Variants in EML1 observed in about 807,000 individuals in gnomAD.
The protein encoded by EML1 is EMAP like 1, also known as echinoderm microtubule-associated protein-like 1.
EML1 carries 27 observed loss-of-function variants against 110.4 expected under a neutral mutation model. The ratio of observed to expected loss-of-function variants is 0.24; its 90% CI spans 0.18 to 0.34. The LOEUF is 0.34. Among genes scored for constraint, EML1 ranks in the 10% least tolerant of loss-of-function variants. The probability of loss-of-function intolerance (pLI) is 1.00; values close to 1 mark genes in which losing one functional copy is unlikely to be tolerated. For missense variants in EML1, 741 were observed against 1,030.9 expected (o/e 0.72, Z 3.85); for synonymous variants, 344 against 385.8 (o/e 0.89, Z 1.27).
chr14:99,739,890 C>T (rs1346416370), intron 1 of EML1, among the ~76,000 whole-genome samples: 2 of 152,128 alleles, frequency 1.3e-5, no homozygotes, highest in East Asian at 1.9e-4. Flanking sequence ...GCAGTGGGAA[C>T]ATTCTCAGCT....
chr14:99,862,861 G>A (rs1398611216), intron 2 of EML1, among the ~76,000 whole-genome samples: 2 of 152,274 alleles, frequency 1.3e-5, no homozygotes, highest in African/African-American at 2.4e-5. Flanking sequence ...ACCAAGGTTT[G>A]GGCATTAGGT....
intron 8 of EML1, among the ~76,000 whole-genome samples, 176 bp downstream of exon 8, chr14:99,898,478 G>T (rs1595452062): frequency 2.0e-5 from 3 of 152,212 alleles, no homozygotes; most frequent in South Asian, 2.1e-4. Flanking sequence ...GTGGCAGGGT[G>T]CGGTGGCTCA....
intron 7 of EML1, 80 bp from the exon 8 acceptor site, chr14:99,898,153 T>A (rs1307690128): frequency 8.3e-7 from 1 of 1,207,618 alleles, no homozygotes; most frequent in Admixed American, 3.0e-5. Flanking sequence ...ATTTAAATTT[T>A]TGACTAGATT....
chr14:99,783,399 C>T (rs2057563877), intron 1 of EML1, among the ~76,000 whole-genome samples: 2 of 151,716 alleles, frequency 1.3e-5, no homozygotes, highest in Non-Finnish European at 2.9e-5. Flanking sequence ...CATTGATGGA[C>T]ATTTGGGTTG....
intron 3 of EML1, among the ~76,000 whole-genome samples, chr14:99,878,040 T>C (rs552902574): frequency 2.0e-5 from 3 of 152,130 alleles, no homozygotes; most frequent in Admixed American, 1.3e-4. Context: ...CTTAATACTC[T>C]ATTTTCTTTG....
intron 1 of EML1, among the ~76,000 whole-genome samples, chr14:99,756,116 G>A (rs1031683525): frequency 3.9e-5 from 6 of 152,232 alleles, no homozygotes; most frequent in Non-Finnish European, 8.8e-5. Flanking sequence ...AGTTGTGCTG[G>A]GTGGGGTCAC....
chr14:99,752,293 G>C (rs2057185851), intron 1 of EML1, among the ~76,000 whole-genome samples: 1 of 152,022 alleles, frequency 6.6e-6, no homozygotes. Context: ...GCAAGGTCTG[G>C]AAATGATGAC....
chr14:99,925,341 G>A (rs1326702825), intron 17 of EML1, among the ~76,000 whole-genome samples: 1 of 148,668 alleles, frequency 6.7e-6, no homozygotes, highest in Non-Finnish European at 1.5e-5. Context: ...GCACACTGCA[G>A]CCCTGACCTC....
intron 1 of EML1, among the ~76,000 whole-genome samples, chr14:99,814,191 G>A (rs1424251256): frequency 6.6e-6 from 1 of 152,198 alleles, no homozygotes; most frequent in Non-Finnish European, 1.5e-5. Flanking sequence ...GACCTCGGAA[G>A]ATTCAGGACT....
intron 1 of EML1, among the ~76,000 whole-genome samples, chr14:99,794,415 G>A (rs1056829995): frequency 4.6e-5 from 7 of 151,838 alleles, no homozygotes; most frequent in Non-Finnish European, 1.0e-4. Context: ...AAAAAAAAAT[G>A]TGTATTTGAT....
At chr14:99,901,152 G>C (rs1332725770) in intron 9 of EML1, 113 bp downstream of exon 9, 2 of 864,870 alleles carry the variant, frequency 2.3e-6, no homozygotes, top group East Asian at 5.0e-5. Flanking sequence ...TGTATGTACA[G>C]ATTTGGACTC....
intron 1 of EML1, among the ~76,000 whole-genome samples, chr14:99,820,445 C>T (rs746331091): frequency 9.9e-5 from 15 of 152,240 alleles, no homozygotes; most frequent in Non-Finnish European, 1.8e-4. Context: ...AAAGGGAGGA[C>T]TATTGAGGAT....
At chr14:99,817,388 C>T (rs2058185918) in intron 1 of EML1, among the ~76,000 whole-genome samples, 1 of 152,138 alleles carries the variant, frequency 6.6e-6, no homozygotes, top group Admixed American at 6.5e-5. Flanking sequence ...TTGTTTACAG[C>T]GTCATCAAAG....
intron 1 of EML1, among the ~76,000 whole-genome samples, chr14:99,752,877 C>T (rs183946975): frequency 1.3e-5 from 2 of 152,058 alleles, no homozygotes; most frequent in East Asian, 1.9e-4. Flanking sequence ...AATGATGAAA[C>T]CTGAATAAGG....
At chr14:99,843,482 A>G (rs1407880735) in intron 1 of EML1, among the ~76,000 whole-genome samples, 1 of 152,240 alleles carries the variant, frequency 6.6e-6, no homozygotes, top group African/African-American at 2.4e-5. Flanking sequence ...CATGCACTAT[A>G]TGCAAAAAGT....
chr14:99,760,181 A>T (rs1286635594), intron 1 of EML1, among the ~76,000 whole-genome samples: 1 of 152,032 alleles, frequency 6.6e-6, no homozygotes, highest in African/African-American at 2.4e-5. Context: ...TGTGCAACAG[A>T]AACAAAACCT....
At position 99,909,437 on chromosome 14, in the gene EML1, A is replaced by C; in HGVS notation, c.1197A>C (p.Thr399=). The part of the protein sequence containing the change: ...TCGKSHLYFW[T]LEGSSLNKKQ... ...GAAAATCACATCTCTACTTTTGGAC[A>C]CTAGAAGGAAGCTCCCTTAATAAGA... Residue 399 remains threonine, a synonymous_variant, in exon 11 of 22, where the codon ACA becomes ACC. Coordinates refer to ENST00000262233, the MANE Select transcript of EML1 (RefSeq NM_004434.3). 6.2e-7 allele frequency: 1 copy of C among 1,614,204 alleles called. No individual in the cohort carries two copies. Among genetic ancestry groups the C allele is most frequent in the Non-Finnish European group, 8.5e-7 (1 of 1,180,034 alleles).
chr14:99,811,902 A>C (rs1595322178), intron 1 of EML1, among the ~76,000 whole-genome samples: 1 of 152,032 alleles, frequency 6.6e-6, no homozygotes, highest in Non-Finnish European at 1.5e-5. Flanking sequence ...CATAAGTGGC[A>C]GTGGATCATC....
At chr14:99,805,570 G>A (rs1314137343) in intron 1 of EML1, among the ~76,000 whole-genome samples, 1 of 152,120 alleles carries the variant, frequency 6.6e-6, no homozygotes, top group Non-Finnish European at 1.5e-5. Context: ...GACCTCCCCA[G>A]CCCAAGCAGT....
Sources: gnomAD v4.1 joint callset for allele counts (sites outside exome capture counted in the v4.1 genomes callset) on GRCh38, gnomAD v4.1.1 for gene constraint, MANE v1.5 for transcripts, NCBI Gene and HGNC (gene_info 2026-07-23, HGNC 2026-07-21) for gene names.